MYO5B: variants seen among roughly 807,000 people sequenced by gnomAD.
MYO5B encodes myosin VB.
MYO5B carries 143 observed loss-of-function variants against 229.3 expected under a neutral mutation model. That is an observed-to-expected ratio of 0.62 (90% CI 0.54 to 0.72). MYO5B has a LOEUF of 0.72. Ranked by LOEUF, MYO5B falls within the 30% of genes least tolerant of loss-of-function variation. The probability of loss-of-function intolerance (pLI) is 0.00; values close to 1 mark genes in which losing one functional copy is unlikely to be tolerated. For synonymous variants in MYO5B, 918 were observed against 885.2 expected, an observed-to-expected ratio of 1.04 and a Z score of -0.66; for missense variants, 2,321 against 2,331.0, an observed-to-expected ratio of 1.00 and a Z score of 0.09.
rs779188563 is a variant in MYO5B, at chr18:49,853,642, A to G, written c.4028T>C (p.Leu1343Pro). ...GCTCTGGGCCTGCAGCTGAGCCTCCAGCAGCCTGTGCCAGGGAGAGGACAG... is the reference window on the plus strand; with the variant it reads ...GCTCTGGGCCTGCAGCTGAGCCTCCGGCAGCCTGTGCCAGGGAGAGGACAG... Reference protein sequence around the residue: ...YQGLKQVARLLEAQLQAQSLE... With the variant: ...YQGLKQVARLPEAQLQAQSLE... Residue 1343 changes from leucine to proline, a missense_variant, in exon 31 of 40, where the codon CTG becomes CCG. Around this residue, in one of 2 missense-constraint regions of MYO5B, gnomAD observed 2,113 missense variants for 2,044.7 expected, o/e 1.03. Transcript: ENST00000285039. 6.2e-7 allele frequency: 1 copy of G among 1,612,538 alleles called. No individual in the cohort carries two copies. Among genetic ancestry groups the G allele is most frequent in the Admixed American group, 1.7e-5 (1 of 60,024 alleles).
At chr18:50,073,665 A>G (rs2031011568) in intron 1 of MYO5B, among the ~76,000 whole-genome samples, 1 of 152,120 alleles carries the variant, frequency 6.6e-6, no homozygotes, top group African/African-American at 2.4e-5. Context: ...TATCCAACTT[A>G]GTGCCCTTAT....
chr18:49,997,959 G>C (rs1265921041), intron 5 of MYO5B, among the ~76,000 whole-genome samples: 2 of 152,192 alleles, frequency 1.3e-5, no homozygotes, highest in Non-Finnish European at 2.9e-5. Flanking sequence ...CCCTGATTAA[G>C]ACATGCTCTG....
At chr18:49,929,687 C>T (rs1264304617) in intron 16 of MYO5B, 89 bp from the exon 17 acceptor site, 2 of 1,197,548 alleles carry the variant, frequency 1.7e-6, no homozygotes, top group Non-Finnish European at 2.4e-6. Context: ...TCTTTTCCTG[C>T]AGCATGTGAA....
intron 39 of MYO5B, among the ~76,000 whole-genome samples, chr18:49,833,343 C>G (rs934047243): frequency 6.6e-6 from 1 of 152,222 alleles, no homozygotes; most frequent in African/African-American, 2.4e-5. Context: ...AGTAACTTGT[C>G]TTTATCACAC....
chr18:50,137,876 G>C (rs1360794948), intron 1 of MYO5B, among the ~76,000 whole-genome samples: 1 of 152,106 alleles, frequency 6.6e-6, no homozygotes, highest in Middle Eastern at 3.2e-3. Flanking sequence ...AAAAAATGCA[G>C]GAACAGAAAA....
chr18:49,902,847 A>G lies in MYO5B; in HGVS notation c.2572-14T>C. 1 of 1,598,620 alleles carries G rather than the reference A, an allele frequency of 6.3e-7. No homozygotes were observed. The highest frequency in any genetic ancestry group is 8.5e-7 in the Non-Finnish European group (1 of 1,179,622). On this transcript the variant is annotated splice_polypyrimidine_tract_variant and intron_variant, in intron 20 of 39. Transcript: ENST00000285039. ...CTCCATGAGGACCTGGCGGGAAACA[A>G]GGATACACATCTTGTGGGTTTGCAC...
At chr18:50,131,126 C>A (rs1020233333) in intron 1 of MYO5B, among the ~76,000 whole-genome samples, 2 of 152,216 alleles carry the variant, frequency 1.3e-5, no homozygotes, top group Non-Finnish European at 2.9e-5. Flanking sequence ...TCTAGCACGG[C>A]ACTTTAAAAG....
chr18:49,946,159 A>G (rs1428624695), intron 14 of MYO5B: 1 of 152,070 alleles, frequency 6.6e-6, no homozygotes, highest in Non-Finnish European at 1.5e-5. Context: ...ATTAACAGGT[A>G]CAGATTGAGT....
chr18:50,084,343 A>C (rs2031283080), intron 1 of MYO5B, among the ~76,000 whole-genome samples: 1 of 152,116 alleles, frequency 6.6e-6, no homozygotes, highest in African/African-American at 2.4e-5. Flanking sequence ...GTTAGAGAGG[A>C]ACTGCCTACT....
Position 49,891,794 on chromosome 18 carries a change from A to G in MYO5B, c.3045+3147T>C, listed in dbSNP as rs147491119. On this transcript the variant is annotated intron_variant, in intron 22 of 39. Transcript: ENST00000285039. ...TCTATTTGGAGAAATCAAAACCTTT[A>G]TAACTTGAACTACCCAAGGCAATCA... 3.5e-4 allele frequency among the ~76,000 whole-genome samples: 54 copies of G among 152,368 alleles called. No homozygotes were observed. In the East Asian group the frequency reaches 9.4e-3, roughly 27 times the overall value.
At chr18:49,942,313 C>T (rs973334500) in intron 14 of MYO5B, among the ~76,000 whole-genome samples, 6 of 128,492 alleles carry the variant, frequency 4.7e-5, no homozygotes, top group African/African-American at 1.5e-4. Context: ...AAAGCAATGG[C>T]AACAAAAGCA....
At chr18:50,038,232 A>G (rs1453457728) in intron 3 of MYO5B, among the ~76,000 whole-genome samples, 1 of 152,168 alleles carries the variant, frequency 6.6e-6, no homozygotes, top group Non-Finnish European at 1.5e-5. Flanking sequence ...AGGTACAAAA[A>G]CCAGAAGCCT....
Position 49,904,714 on chromosome 18 carries a change from C to T in MYO5B, c.2529G>A (p.Gln843=), listed in dbSNP as rs1362219723. ...GCACAAACATGGCCCGGGTGAAGGCCTGGATAACAACGGCAGCTCTGCGGA... is the reference window on the plus strand; with the variant it reads ...GCACAAACATGGCCCGGGTGAAGGCTTGGATAACAACGGCAGCTCTGCGGA... ...QRVRRAAVVI[Q]AFTRAMFVRR... is the part of the protein sequence containing the mutation. The change falls in exon 20 of 40, where the codon CAG becomes CAA. Residue 843 remains glutamine, a synonymous_variant. Transcript: ENST00000285039. 2 of 1,614,104 alleles carry T rather than the reference C, an allele frequency of 1.2e-6. No homozygotes were observed. Among genetic ancestry groups the T allele is most frequent in the African/African-American group, 1.3e-5 (1 of 75,048 alleles).
chr18:49,902,496 C>A, intron 21 of MYO5B, 98 bp downstream of exon 21: 1 of 1,552,986 alleles, frequency 6.4e-7, no homozygotes, highest in Non-Finnish European at 8.8e-7. Context: ...TCCCTCGGGT[C>A]TTCGGCATGT....
At chr18:50,136,500 T>C (rs1436150795) in intron 1 of MYO5B, among the ~76,000 whole-genome samples, 1 of 152,032 alleles carries the variant, frequency 6.6e-6, no homozygotes, top group Non-Finnish European at 1.5e-5. Flanking sequence ...CTCTTGCTCA[T>C]TCTTTTTAAC....
intron 1 of MYO5B, among the ~76,000 whole-genome samples, chr18:50,151,010 G>C (rs2032590034): frequency 6.6e-6 from 1 of 152,104 alleles, no homozygotes; most frequent in South Asian, 2.1e-4. Context: ...AGTTTTAAAG[G>C]TTAACTCTTC....
chr18:50,008,672 C>T (rs2026129344), intron 4 of MYO5B, among the ~76,000 whole-genome samples: 1 of 152,142 alleles, frequency 6.6e-6, no homozygotes, highest in Non-Finnish European at 1.5e-5. Flanking sequence ...ACTATGGTTG[C>T]AAAACAGGAA....
At chr18:49,872,358 C>T in intron 26 of MYO5B, 126 bp from the exon 27 acceptor site, 1 of 885,178 alleles carries the variant, frequency 1.1e-6, no homozygotes, top group Non-Finnish European at 1.9e-6. Flanking sequence ...CCACCCTCCA[C>T]AAGTCCACTT....
chr18:50,020,725 T>C (rs527748758), intron 4 of MYO5B, among the ~76,000 whole-genome samples: 2 of 152,210 alleles, frequency 1.3e-5, no homozygotes, highest in Admixed American at 1.3e-4. Flanking sequence ...GGGGTAGAAA[T>C]CGAAGGCAAC....
Sources: gnomAD v4.1 joint callset for allele counts (sites outside exome capture counted in the v4.1 genomes callset) on GRCh38, gnomAD v4.1.1 for gene constraint, gnomAD v4.1.1 regional missense constraint, MANE v1.5 for transcripts, NCBI Gene and HGNC (gene_info 2026-07-23, HGNC 2026-07-21) for gene names.